Variants in LEPR observed in about 807,000 individuals in gnomAD.
LEPR encodes OB receptor.
LEPR carries 56 observed loss-of-function variants against 114.7 expected under a neutral mutation model. The ratio of observed to expected loss-of-function variants is 0.49; its 90% CI spans 0.39 to 0.61. LEPR has a LOEUF of 0.61. LEPR is among the 20% of genes least tolerant of loss of function. LEPR has a pLI of 0.00. For synonymous variants in LEPR, 443 were observed against 461.4 expected (o/e 0.96, Z 0.51); for missense variants, 1,202 against 1,352.9 (o/e 0.89, Z 1.75).
intron 19 of LEPR, among the ~76,000 whole-genome samples, chr1:65,624,735 T>C (rs1658097489): frequency 6.6e-6 from 1 of 152,192 alleles, no homozygotes; most frequent in Non-Finnish European, 1.5e-5. Flanking sequence ...TTTCACAACA[T>C]TCGAATGGCC....
chr1:65,505,506 A>G (rs1317985885), intron 2 of LEPR, among the ~76,000 whole-genome samples: 1 of 152,122 alleles, frequency 6.6e-6, no homozygotes, highest in Non-Finnish European at 1.5e-5. Flanking sequence ...TGCAATCCTC[A>G]GGCCTCCTTG....
chr1:65,536,459 T>C (rs928725674), intron 2 of LEPR, among the ~76,000 whole-genome samples: 1 of 152,186 alleles, frequency 6.6e-6, no homozygotes, highest in African/African-American at 2.4e-5. Context: ...GGTTTTCCTT[T>C]GTTACAACAT....
At chr1:65,502,012 T>A (rs552368643) in intron 2 of LEPR, among the ~76,000 whole-genome samples, 13 of 152,276 alleles carry the variant, frequency 8.5e-5, no homozygotes, top group African/African-American at 2.9e-4. Context: ...GTGGTCCTCA[T>A]CTTTGTCTCC....
intron 2 of LEPR, chr1:65,493,775 C>G (rs1241843137): frequency 6.6e-6 from 1 of 152,098 alleles, no homozygotes; most frequent in Non-Finnish European, 1.5e-5. Context: ...ATCTTTTAGT[C>G]AAACTACCTG....
At chr1:65,467,996 G>A (rs529601796) in intron 2 of LEPR, among the ~76,000 whole-genome samples, 24 of 152,298 alleles carry the variant, frequency 1.6e-4, no homozygotes, top group Middle Eastern at 3.4e-3. Flanking sequence ...TGCGCTTCCC[G>A]GGTGAGGTGA....
chr1:65,592,664 G>A lies in LEPR; in HGVS notation c.502G>A (p.Val168Met), dbSNP rs1220861910. 2 of 1,612,916 alleles carry A rather than the reference G, an allele frequency of 1.2e-6. No individual in the cohort carries two copies. Among genetic ancestry groups the A allele is most frequent in the Middle Eastern group, 1.7e-4 (1 of 6,048 alleles). ...TCTTATTTTTCAATATAGGCCTGAA[G>A]TGTTAGAAGATTCACCTCTGGTTCC... is the stretch of plus-strand genomic sequence containing the variant. The part of the protein sequence containing the change: ...KVHLLYVLPE[V>M]LEDSPLVPQK... The change falls in exon 6 of 20, where the codon GTG (valine) becomes ATG (methionine). Residue 168 changes from valine to methionine, a missense_variant. Coordinates refer to ENST00000349533, the MANE Select transcript of LEPR (RefSeq NM_002303.6).
chr1:65,610,909 A>G (rs139913529), intron 14 of LEPR, among the ~76,000 whole-genome samples: 409 of 152,330 alleles, frequency 2.7e-3, no homozygotes, highest in African/African-American at 9.1e-3. Flanking sequence ...TGTCACTCCA[A>G]ATGTGAATTG....
rs375120311 is a variant in LEPR, at chr1:65,507,459, G to GTGTGTGTATA, written c.-20-58086_-20-58085insGTGTGTATAT. On this transcript the variant is annotated intron_variant, in intron 2 of 19. Coordinates refer to ENST00000349533, the MANE Select transcript of LEPR (RefSeq NM_002303.6). ...CCATTGTGTGTGTGTGTGTGTGTGT[G>GTGTGTGTATA]TATATATATATATACACATATATAT... Among the ~76,000 whole-genome samples, 71 of 139,546 alleles carry GTGTGTGTATA rather than the reference G, an allele frequency of 5.1e-4. 2 individuals are homozygous for GTGTGTGTATA. Among genetic ancestry groups the GTGTGTGTATA allele is most frequent in the Admixed American group, 1.6e-3 (22 of 13,602 alleles). The allele number at this position is 139,546 out of a possible 152,430, so 91.5% of individuals were successfully genotyped here. A position where few individuals can be genotyped will look rare whatever the true frequency, so the allele number is the denominator to read the frequency against.
intron 2 of LEPR, among the ~76,000 whole-genome samples, chr1:65,511,591 T>G (rs1649040214): frequency 6.6e-6 from 1 of 152,188 alleles, no homozygotes; most frequent in Non-Finnish European, 1.5e-5. Context: ...CTGATTTAAC[T>G]TGAAACTTTT....
intron 2 of LEPR, among the ~76,000 whole-genome samples, chr1:65,533,038 A>G: frequency 6.6e-6 from 1 of 152,208 alleles, no homozygotes; most frequent in East Asian, 1.9e-4. Flanking sequence ...TTAAAAATAA[A>G]GTATATTTCT....
At chr1:65,468,624 G>C (rs1647045107) in intron 2 of LEPR, among the ~76,000 whole-genome samples, 1 of 152,198 alleles carries the variant, frequency 6.6e-6, no homozygotes, top group South Asian at 2.1e-4. Context: ...GTTGGGAGAA[G>C]GCTGGAGCCA....
At chr1:65,420,968 C>T (rs998496512) in intron 1 of LEPR, among the ~76,000 whole-genome samples, 1 of 152,162 alleles carries the variant, frequency 6.6e-6, no homozygotes, top group Non-Finnish European at 1.5e-5. Context: ...CCTTCCTGCT[C>T]TCCAGTGGCG....
At chr1:65,507,795 C>T (rs1281166173) in intron 2 of LEPR, among the ~76,000 whole-genome samples, 1 of 152,000 alleles carries the variant, frequency 6.6e-6, no homozygotes, top group East Asian at 1.9e-4. Flanking sequence ...TTCAAAATTG[C>T]TGCACTTAAT....
chr1:65,451,184 G>A (rs574871988), intron 2 of LEPR, among the ~76,000 whole-genome samples: 1 of 152,212 alleles, frequency 6.6e-6, no homozygotes, highest in East Asian at 1.9e-4. Flanking sequence ...TTAGCCCTTT[G>A]GCAGATGAGT....
At chr1:65,565,471 T>C in intron 2 of LEPR, 75 bp from the exon 3 acceptor site, 2 of 1,427,260 alleles carry the variant, frequency 1.4e-6, no homozygotes, top group South Asian at 2.4e-5. Context: ...TTTCCTTTTA[T>C]GTTTTCCACA....
At chr1:65,494,931 T>G (rs1301963443) in intron 2 of LEPR, among the ~76,000 whole-genome samples, 1 of 152,022 alleles carries the variant, frequency 6.6e-6, no homozygotes, top group African/African-American at 2.4e-5. Context: ...AAGACTTAAA[T>G]GTAAGATCTG....
At chr1:65,518,995 C>CCTCT (rs1553160673) in intron 2 of LEPR, among the ~76,000 whole-genome samples, 4 of 144,250 alleles carry the variant, frequency 2.8e-5, no homozygotes, top group East Asian at 2.0e-4. Context: ...TCCTTCCTTC[C>CCTCT]TTCTTTCTTC....
chr1:65,526,975 G>A (rs1036714100), intron 2 of LEPR, among the ~76,000 whole-genome samples: 1 of 152,142 alleles, frequency 6.6e-6, no homozygotes, highest in Admixed American at 6.6e-5. Flanking sequence ...CATGTATAAA[G>A]AGCTCAGAAA....
chr1:65,635,776 A>G (rs1018456308), intron 19 of LEPR, among the ~76,000 whole-genome samples: 1 of 152,184 alleles, frequency 6.6e-6, no homozygotes. Context: ...GTAATTTGCT[A>G]CAAAATATTA....
Sources: gnomAD v4.1 joint callset for allele counts (sites outside exome capture counted in the v4.1 genomes callset) on GRCh38, gnomAD v4.1.1 for gene constraint, MANE v1.5 for transcripts, NCBI Gene and HGNC (gene_info 2026-07-23, HGNC 2026-07-21) for gene names.